The following PKHD1L1 variants were observed in gnomAD, a reference collection of about 807,000 sequenced individuals.
PKHD1L1 encodes the protein PKHD1 like 1, also known as fibrocystin-L.
PKHD1L1 carries 434 observed loss-of-function variants against 462.9 expected under a neutral mutation model. The ratio of observed to expected loss-of-function variants is 0.94; its 90% CI spans 0.87 to 1.02. The LOEUF (loss-of-function observed/expected upper bound fraction) is 1.02, where lower values mean the gene tolerates loss of function less well. Ranked by LOEUF, PKHD1L1 falls within the 50% of genes least tolerant of loss-of-function variation. PKHD1L1 has a pLI of 0.00. For missense variants in PKHD1L1, 5,202 were observed against 5,096.1 expected (o/e 1.02, Z -0.63); for synonymous variants, 1,781 against 1,750.0 (o/e 1.02, Z -0.44).
At position 109,530,148 on chromosome 8, in the gene PKHD1L1, T is replaced by A; in HGVS notation, c.*58T>A. On this transcript the variant is annotated 3_prime_UTR_variant, in exon 78 of 78. Transcript: ENST00000378402. ...ATATAAGAATTATTAGCTACTTTGT[T>A]GGGCAATAGGCAAAAGTCTATAGCA... 3 of 1,118,632 alleles carry A rather than the reference T, an allele frequency of 2.7e-6. No individual in the cohort carries two copies. The highest frequency in any genetic ancestry group is 3.6e-6 in the Non-Finnish European group (3 of 838,896). The allele number at this position is 1,118,632 out of a possible 1,614,324, so 69.3% of individuals were successfully genotyped here. A position where few individuals can be genotyped will look rare whatever the true frequency, so the allele number is the denominator to read the frequency against.
rs546099848 is a variant in PKHD1L1, at chr8:109,496,882, G to T, written c.10328-37G>T. The T allele has an allele frequency of 1.2e-5, 19 of 1,571,918 alleles. No individual in the cohort carries two copies. The South Asian group carries it at 2.1e-4, about 17-fold the overall frequency. On this transcript the variant is annotated intron_variant, in intron 63 of 77. Coordinates refer to ENST00000378402, the MANE Select transcript of PKHD1L1 (RefSeq NM_177531.6). ...TTATTAAAACTATATGACATGAAAT[G>T]TAGTGTTCATTCTCTGGTTCTATAT...
intron 70 of PKHD1L1, among the ~76,000 whole-genome samples, 177 bp downstream of exon 70, chr8:109,508,441 T>C (rs1819810117): frequency 6.6e-6 from 1 of 151,994 alleles, no homozygotes; most frequent in African/African-American, 2.4e-5. Context: ...CAGTACCTCA[T>C]CCAGGGAAGC....
rs371234031 is a variant in PKHD1L1, at chr8:109,423,748, TC to T, written c.2698-1335del. 7.3e-3 allele frequency among the ~76,000 whole-genome samples: 1,107 copies of T among 152,286 alleles called. 8 individuals carry two copies. Among genetic ancestry groups the T allele is most frequent in the Non-Finnish European group, 9.4e-3 (642 of 67,990 alleles). On this transcript the variant is annotated intron_variant, in intron 23 of 77. Transcript: ENST00000378402. Reference sequence around the variant, plus strand: ...ACCATTGTGATATTGAGTCTTCCAATCCATGAACACAGTATGTCTCTCCAAT... The same window carrying T: ...ACCATTGTGATATTGAGTCTTCCAATCATGAACACAGTATGTCTCTCCAAT...
chr8:109,498,039 C>A (rs1321380540), intron 65 of PKHD1L1, among the ~76,000 whole-genome samples: 1 of 150,442 alleles, frequency 6.6e-6, no homozygotes, highest in Non-Finnish European at 1.5e-5. Context: ...TTATAGTTTG[C>A]ATTTTATTTA....
Position 109,508,235 on chromosome 8 carries a change from T to C in PKHD1L1, c.11366T>C (p.Met3789Thr), listed in dbSNP as rs748068622. ...CGAAGACTTTCCCCAGTGGCTATAA[T>C]GGGCAACGGTTATGTTGATCTTATT... ...ETRRLSPVAI[M>T]GNGYVDLING... Residue 3789 changes from methionine to threonine, a missense_variant, in exon 70 of 78, where the codon ATG becomes ACG. Coordinates refer to ENST00000378402, the MANE Select transcript of PKHD1L1 (RefSeq NM_177531.6). The C allele has an allele frequency of 1.9e-6, 3 of 1,611,326 alleles. No homozygotes were observed. Among genetic ancestry groups the C allele is most frequent in the South Asian group, 2.2e-5 (2 of 90,482 alleles).
At chr8:109,434,420 T>C (rs1348468480) in intron 28 of PKHD1L1, among the ~76,000 whole-genome samples, 1 of 152,056 alleles carries the variant, frequency 6.6e-6, no homozygotes, top group African/African-American at 2.4e-5. Context: ...TTTACTTTTT[T>C]GGTTTTGTTT....
At chr8:109,469,786 G>A (rs1817631177) in intron 50 of PKHD1L1, among the ~76,000 whole-genome samples, 1 of 152,048 alleles carries the variant, frequency 6.6e-6, no homozygotes, top group Non-Finnish European at 1.5e-5. Flanking sequence ...GTCCAGAATG[G>A]AATGATGTTA....
rs750702344 is a variant in PKHD1L1, at chr8:109,464,763, C to T, written c.7931C>T (p.Ala2644Val). 14 of 1,613,664 alleles carry T rather than the reference C, an allele frequency of 8.7e-6. No individual in the cohort carries two copies. The highest frequency in any genetic ancestry group is 4.4e-5 in the South Asian group (4 of 91,086). Residue 2644 changes from alanine to valine, a missense_variant, in exon 49 of 78, where the codon GCA becomes GTA. Physicochemically the swap from Ala to Val is moderately conservative, Grantham distance 64. Coordinates refer to ENST00000378402, the MANE Select transcript of PKHD1L1 (RefSeq NM_177531.6). Reference sequence around the variant, plus strand: ...GGATCTTGTACATCTACAGTGCCTGCACCTGCAATATTTAACTCACTTACT... The same window carrying T: ...GGATCTTGTACATCTACAGTGCCTGTACCTGCAATATTTAACTCACTTACT... Reference protein sequence around the residue: ...QTGSCTSTVPAPAIFNSLTTW... With the variant: ...QTGSCTSTVPVPAIFNSLTTW...
chr8:109,382,116 T>C (rs1346631792), intron 3 of PKHD1L1, among the ~76,000 whole-genome samples: 1 of 152,206 alleles, frequency 6.6e-6, no homozygotes, highest in Non-Finnish European at 1.5e-5. Flanking sequence ...TAGTCCTTTT[T>C]AGGAAACAAA....
chr8:109,391,669 A>G (rs1812719397), intron 9 of PKHD1L1, among the ~76,000 whole-genome samples: 1 of 152,218 alleles, frequency 6.6e-6, no homozygotes, highest in Non-Finnish European at 1.5e-5. Context: ...AATAATAGGA[A>G]AGATCCGGTA....
At position 109,452,777 on chromosome 8, in the gene PKHD1L1, A is replaced by T. The variant is rs1012849291; in HGVS notation, c.6567A>T (p.Lys2189Asn). Residue 2189 changes from lysine (K) to asparagine (N), a missense_variant, in exon 43 of 78, where the codon AAA becomes AAT. This residue lies in a region of PKHD1L1 where 4,497 missense variants were observed against 4,336.8 expected (regional missense o/e 1.04). Coordinates refer to ENST00000378402, the MANE Select transcript of PKHD1L1 (RefSeq NM_177531.6). ...AWSSNFSWGG[K>N]SPPEEGSLVV... is the part of the protein sequence containing the mutation. The stretch of plus-strand genomic sequence containing the variant: ...CCTCCAATTTCTCATGGGGGGGAAA[A>T]TCTCCCCCAGAAGAAGGATCTCTTG... The T allele has an allele frequency of 3.3e-6, 5 of 1,532,676 alleles. No homozygotes were observed. In the African/African-American group the frequency reaches 7.0e-5, roughly 21 times the overall value. The allele number at this position is 1,532,676 out of a possible 1,614,324, so 94.9% of individuals were successfully genotyped here.
chr8:109,428,105 T>C (rs1814875567), intron 25 of PKHD1L1, among the ~76,000 whole-genome samples: 1 of 151,556 alleles, frequency 6.6e-6, no homozygotes, highest in Non-Finnish European at 1.5e-5. Flanking sequence ...TATGCAATGT[T>C]GGTGAGAATG....
chr8:109,418,470 T>C (rs1246195220), intron 21 of PKHD1L1, among the ~76,000 whole-genome samples: 1 of 152,200 alleles, frequency 6.6e-6, no homozygotes, highest in Non-Finnish European at 1.5e-5. Context: ...ATGGAAATAC[T>C]TATATATGTG....
intron 13 of PKHD1L1, among the ~76,000 whole-genome samples, chr8:109,401,199 G>A (rs1458313032): frequency 1.3e-5 from 2 of 152,048 alleles, no homozygotes; most frequent in African/African-American, 4.8e-5. Context: ...TTCCTGGTAA[G>A]TATCTTCTTA....
intron 38 of PKHD1L1, among the ~76,000 whole-genome samples, 182 bp from the exon 39 acceptor site, chr8:109,447,961 G>C (rs1198642501): frequency 6.6e-6 from 1 of 152,110 alleles, no homozygotes; most frequent in African/African-American, 2.4e-5. Flanking sequence ...TTAATATACA[G>C]TAGACTGTAG....
At chr8:109,462,009 G>A (rs917183903) in intron 48 of PKHD1L1, 101 bp downstream of exon 48, 2 of 1,338,918 alleles carry the variant, frequency 1.5e-6, no homozygotes, top group South Asian at 1.6e-5. Flanking sequence ...CTTATAATCT[G>A]GTAGGGGAGA....
chr8:109,488,606 A>G (rs952583892), intron 59 of PKHD1L1, among the ~76,000 whole-genome samples: 1 of 151,980 alleles, frequency 6.6e-6, no homozygotes, highest in Admixed American at 6.6e-5. Flanking sequence ...TTCTGCAGGT[A>G]CTCATTTGTT....
At position 109,380,512 on chromosome 8, in the gene PKHD1L1, G is replaced by A. The variant is rs1203683918; in HGVS notation, c.164-858G>A. Among the ~76,000 whole-genome samples the A allele has an allele frequency of 2.6e-5, 4 of 152,152 alleles. No homozygotes were observed. The South Asian group carries it at 6.2e-4, about 24-fold the overall frequency. On this transcript the variant is annotated intron_variant, in intron 2 of 77. Coordinates refer to ENST00000378402, the MANE Select transcript of PKHD1L1 (RefSeq NM_177531.6). ...GTTATTCAAGGACTTGTCTAGTGCA[G>A]TAACTCCGAACTTTGGAACTTATAT...
intron 8 of PKHD1L1, among the ~76,000 whole-genome samples, chr8:109,389,945 T>C (rs537271917): frequency 2.6e-4 from 40 of 152,226 alleles, no homozygotes; most frequent in African/African-American, 8.2e-4. Flanking sequence ...TCATCACTTG[T>C]CTTACATTCT....
Sources: allele counts gnomAD v4.1 joint callset (sites outside exome capture counted in the v4.1 genomes callset), GRCh38; gene constraint gnomAD v4.1.1; regional missense constraint gnomAD v4.1.1; transcripts MANE v1.5; gene names NCBI Gene and HGNC (gene_info 2026-07-23, HGNC 2026-07-21).